Variants in ARIH2 observed in about 807,000 individuals in gnomAD.
The protein encoded by ARIH2 is E3 ubiquitin-protein ligase ARIH2.
ARIH2 carries 12 observed loss-of-function variants against 79.8 expected under a neutral mutation model. The observed-to-expected ratio is 0.15, with a 90% confidence interval of 0.10 to 0.24. ARIH2 has a LOEUF of 0.24. Among genes scored for constraint, ARIH2 ranks in the 10% least tolerant of loss-of-function variants. The probability of loss-of-function intolerance (pLI) is 1.00; values close to 1 mark genes in which losing one functional copy is unlikely to be tolerated. For missense variants in ARIH2, 301 were observed against 618.3 expected (o/e 0.49, Z 5.44); for synonymous variants, 224 against 213.9 (o/e 1.05, Z -0.41).
intron 3 of ARIH2, among the ~76,000 whole-genome samples, chr3:48,961,005 A>C (rs2091189032): frequency 6.6e-6 from 1 of 152,186 alleles, no homozygotes; most frequent in Non-Finnish European, 1.5e-5. Context: ...TTTAGTAGCT[A>C]TAACTATGTG....
chr3:48,943,844 G>C (rs1385275115), intron 3 of ARIH2, among the ~76,000 whole-genome samples: 2 of 152,082 alleles, frequency 1.3e-5, no homozygotes, highest in Non-Finnish European at 2.9e-5. Flanking sequence ...TACCTAGCTG[G>C]TTATTTGGCA....
At chr3:48,925,386 T>A (rs2085429679) in intron 2 of ARIH2, among the ~76,000 whole-genome samples, 1 of 151,680 alleles carries the variant, frequency 6.6e-6, no homozygotes, top group Non-Finnish European at 1.5e-5. Context: ...GTGCTGGGAT[T>A]ACAGGCATGA....
intron 3 of ARIH2, among the ~76,000 whole-genome samples, chr3:48,931,412 G>A (rs2086339849): frequency 6.6e-6 from 1 of 152,172 alleles, no homozygotes; most frequent in East Asian, 1.9e-4. Context: ...AGTCGGGTGT[G>A]GTGACACATG....
chr3:48,933,139 C>T (rs1039442518), intron 3 of ARIH2, among the ~76,000 whole-genome samples: 7 of 152,176 alleles, frequency 4.6e-5, no homozygotes, highest in African/African-American at 1.4e-4. Context: ...TGCAGTGGCA[C>T]GATGTTGGCT....
chr3:48,941,850 T>C (rs1160242904), intron 3 of ARIH2, among the ~76,000 whole-genome samples: 2 of 151,776 alleles, frequency 1.3e-5, no homozygotes, highest in African/African-American at 2.4e-5. Flanking sequence ...CCCAAAGTGC[T>C]GAGATTACAG....
chr3:48,919,911 TG>T (rs922687511), intron 1 of ARIH2, among the ~76,000 whole-genome samples: 15 of 151,972 alleles, frequency 9.9e-5, no homozygotes, highest in Admixed American at 9.9e-4. Context: ...CTGTGCGTGG[TG>T]GGCAAGCCCA....
At chr3:48,979,358 C>A in intron 11 of ARIH2, 124 bp from the exon 12 acceptor site, 1 of 984,638 alleles carries the variant, frequency 1.0e-6, no homozygotes, top group Non-Finnish European at 1.5e-6. Flanking sequence ...GAAAGAGGCA[C>A]CCTTGGGAAG....
At chr3:48,979,913 T>TA in intron 12 of ARIH2, 3 of 331,328 alleles carry the variant, frequency 9.1e-6, no homozygotes, top group Non-Finnish European at 1.6e-5. Flanking sequence ...TCTAGTACCA[T>TA]CTTTTTTTTT....
chr3:48,968,396 A>G, intron 6 of ARIH2, 138 bp from the exon 7 acceptor site: 1 of 721,388 alleles, frequency 1.4e-6, no homozygotes, highest in Non-Finnish European at 2.3e-6. Flanking sequence ...TTTAGTAGAG[A>G]CTGGGTTTCT....
At chr3:48,945,041 C>A in intron 3 of ARIH2, 1 of 1,063,928 alleles carries the variant, frequency 9.4e-7, no homozygotes, top group Non-Finnish European at 1.3e-6. Context: ...CAGGCTGAGG[C>A]ATGAAGACCC....
intron 11 of ARIH2, among the ~76,000 whole-genome samples, chr3:48,978,421 ATG>A (rs1188251261): frequency 0.13 from 7,051 of 55,334 alleles, 285 homozygotes; most frequent in African/African-American, 0.21. Context: ...TAATTTGTGT[ATG>A]TGTGTGTGTG....
At chr3:48,944,793 C>G (rs2088882131) in intron 3 of ARIH2, among the ~76,000 whole-genome samples, 2 of 152,214 alleles carry the variant, frequency 1.3e-5, no homozygotes, top group Admixed American at 1.3e-4. Context: ...CTTTAACCTT[C>G]TTTCTTCCTC....
At chr3:48,959,931 A>C (rs534779239) in intron 3 of ARIH2, among the ~76,000 whole-genome samples, 1 of 152,340 alleles carries the variant, frequency 6.6e-6, no homozygotes, top group South Asian at 2.1e-4. Context: ...AGGAGGGATC[A>C]TGTGGTGTTC....
intron 4 of ARIH2, among the ~76,000 whole-genome samples, chr3:48,962,433 A>G (rs1286356926): frequency 2.0e-5 from 3 of 151,980 alleles, no homozygotes; most frequent in African/African-American, 7.3e-5. Context: ...CTCTACCAGC[A>G]GTGTATTTGA....
chr3:48,969,949 G>C (rs764201896), intron 7 of ARIH2, among the ~76,000 whole-genome samples: 1 of 151,356 alleles, frequency 6.6e-6, no homozygotes, highest in African/African-American at 2.4e-5. Flanking sequence ...GGAGTACAGG[G>C]ACACGATCTC....
chr3:48,948,071 C>A (rs567514203), intron 3 of ARIH2, among the ~76,000 whole-genome samples: 1 of 152,266 alleles, frequency 6.6e-6, no homozygotes, highest in South Asian at 2.1e-4. Context: ...CGCCATTCTC[C>A]TGCCTCAGCC....
rs556175986 is a variant in ARIH2, at chr3:48,931,509, A to G, written c.255+3696A>G. ...GGTTGCAGTGAGATGAGATCGCACCACTGCACTCCAGCCTGGGCAACAGAG... is the reference window on the plus strand; with the variant it reads ...GGTTGCAGTGAGATGAGATCGCACCGCTGCACTCCAGCCTGGGCAACAGAG... On this transcript the variant is annotated intron_variant, in intron 3 of 15. Transcript: ENST00000356401. Among the ~76,000 whole-genome samples, 635 of 151,936 alleles carry G rather than the reference A, an allele frequency of 4.2e-3. 3 individuals carry two copies. The highest frequency in any genetic ancestry group is 0.024 in the Middle Eastern group (7 of 294).
chr3:48,970,335 G>T (rs1008019807), intron 7 of ARIH2, among the ~76,000 whole-genome samples: 1 of 152,184 alleles, frequency 6.6e-6, no homozygotes, highest in African/African-American at 2.4e-5. Context: ...AGGACTATAG[G>T]CAGGAGCCAC....
chr3:48,969,172 C>T (rs1422926067), intron 7 of ARIH2, among the ~76,000 whole-genome samples: 1 of 151,610 alleles, frequency 6.6e-6, no homozygotes, highest in East Asian at 1.9e-4. Flanking sequence ...TGCACCCAGC[C>T]TCTTTCTTTT....
Sources: gnomAD v4.1 joint callset for allele counts (sites outside exome capture counted in the v4.1 genomes callset) on GRCh38, gnomAD v4.1.1 for gene constraint, MANE v1.5 for transcripts, NCBI Gene and HGNC (gene_info 2026-07-23, HGNC 2026-07-21) for gene names.